Variants in ZNF331 observed in about 807,000 individuals in gnomAD.
ZNF331 encodes the protein C2H2-like zinc finger protein rearranged in thyroid adenomas.
A neutral mutation model predicts 7.0 loss-of-function variants in ZNF331; 2 were observed. The ratio of observed to expected loss-of-function variants is 0.29; its 90% CI spans 0.12 to 0.90. The LOEUF is 0.90. Ranked by LOEUF, ZNF331 falls within the 40% of genes least tolerant of loss-of-function variation. The probability of loss-of-function intolerance (pLI) is 0.58; values close to 1 mark genes in which losing one functional copy is unlikely to be tolerated. For synonymous variants in ZNF331, 196 were observed against 205.4 expected, an observed-to-expected ratio of 0.95 and a Z score of 0.39; for missense variants, 432 against 587.7, an observed-to-expected ratio of 0.74 and a Z score of 2.74.
the ZNF331 span, among the ~76,000 whole-genome samples, chr19:53,507,487 A>G: frequency 6.6e-6 from 1 of 152,216 alleles, no homozygotes; most frequent in Non-Finnish European, 1.5e-5. Context: ...GGAAAAATCA[A>G]GATCTATCAT....
chr19:53,557,077 C>T (rs531597211), intron 3 of ZNF331, among the ~76,000 whole-genome samples: 1 of 150,206 alleles, frequency 6.7e-6, no homozygotes, highest in Admixed American at 6.7e-5. Flanking sequence ...CCTGCCTCGG[C>T]CTCCCAAAGT....
chr19:53,544,645 C>T (rs1399213839), intron 2 of ZNF331, among the ~76,000 whole-genome samples: 1 of 151,612 alleles, frequency 6.6e-6, no homozygotes, highest in Non-Finnish European at 1.5e-5. Flanking sequence ...CTATTTTTTT[C>T]GTTGTTGAAA....
intron 2 of ZNF331, among the ~76,000 whole-genome samples, chr19:53,542,697 C>A (rs1281832585): frequency 6.6e-6 from 1 of 152,182 alleles, no homozygotes; most frequent in East Asian, 1.9e-4. Context: ...TTCTTAGAAT[C>A]TCTTTTGCTA....
chr19:53,514,807 C>T (rs1377880420), upstream of ZNF331, among the ~76,000 whole-genome samples: 7 of 151,986 alleles, frequency 4.6e-5, no homozygotes, highest in Non-Finnish European at 8.8e-5. Context: ...CCCGCCACCA[C>T]GCCCGGCTAA....
chr19:53,550,892 C>A (rs1338573920), intron 2 of ZNF331, among the ~76,000 whole-genome samples: 2 of 145,558 alleles, frequency 1.4e-5, no homozygotes, highest in African/African-American at 5.1e-5. Flanking sequence ...GCTCTGTCAC[C>A]CAGTCTGGAG....
chr19:53,533,002 G>A (rs2087600390), intron 2 of ZNF331, among the ~76,000 whole-genome samples: 2 of 151,492 alleles, frequency 1.3e-5, no homozygotes, highest in African/African-American at 2.4e-5. Context: ...TGTTTATTTA[G>A]TCTCCATTTA....
At chr19:53,536,111 A>G (rs2087737823), upstream of ZNF331, among the ~76,000 whole-genome samples, 1 of 152,190 alleles carries the variant, frequency 6.6e-6, no homozygotes, top group Non-Finnish European at 1.5e-5. Flanking sequence ...GCTGATAAGA[A>G]TCTTTAAACT....
Position 53,573,350 on chromosome 19 carries a change from C to T in ZNF331, c.136+1620C>T, listed in dbSNP as rs2090555024. Reference sequence around the variant, plus strand: ...GCCAACAGAGTGAAACCCCATCTCTCCTGAAAATACAAAAATTTGCCGGGT... The same window carrying T: ...GCCAACAGAGTGAAACCCCATCTCTTCTGAAAATACAAAAATTTGCCGGGT... On this transcript the variant is annotated intron_variant, in intron 5 of 5. Transcript: ENST00000449416. The surrounding 1 kb of genome is among the most constrained non-coding windows in gnomAD (Gnocchi z 4.2). Among the ~76,000 whole-genome samples the T allele has an allele frequency of 6.7e-6, 1 of 150,174 alleles. No individual in the cohort carries two copies. Among genetic ancestry groups the T allele is most frequent in the African/African-American group, 2.5e-5 (1 of 40,724 alleles).
the ZNF331 span, among the ~76,000 whole-genome samples, chr19:53,506,995 ATCT>A: frequency 6.6e-6 from 1 of 152,140 alleles, no homozygotes; most frequent in Non-Finnish European, 1.5e-5. Flanking sequence ...GTTGCTCTCA[ATCT>A]TCCTGTGTGG....
intron 2 of ZNF331, among the ~76,000 whole-genome samples, chr19:53,553,306 A>G (rs2147439091): frequency 6.6e-6 from 1 of 152,200 alleles, no homozygotes; most frequent in Non-Finnish European, 1.5e-5. Flanking sequence ...AAAAAAAAAA[A>G]AAAATTAGTG....
At chr19:53,510,321 A>G in the ZNF331 span, among the ~76,000 whole-genome samples, 1 of 152,180 alleles carries the variant, frequency 6.6e-6, no homozygotes, top group Non-Finnish European at 1.5e-5. Flanking sequence ...GAGTGACTTC[A>G]GTAAAAATGG....
At chr19:53,555,821 C>G (rs1044377442) in intron 2 of ZNF331, 24 bp from the exon 3 acceptor site, 2 of 152,144 alleles carry the variant, frequency 1.3e-5, no homozygotes, top group African/African-American at 4.8e-5. Context: ...GCAGGTGTTA[C>G]CCTTCTGGTT....
At chr19:53,547,150 C>G (rs75112431) in intron 2 of ZNF331, among the ~76,000 whole-genome samples, 1 of 152,134 alleles carries the variant, frequency 6.6e-6, no homozygotes, top group Non-Finnish European at 1.5e-5. Context: ...CCATGCTAGA[C>G]AATAAATCTC....
chr19:53,530,686 T>A (rs917747160), intron 2 of ZNF331, among the ~76,000 whole-genome samples: 14 of 152,232 alleles, frequency 9.2e-5, no homozygotes, highest in Non-Finnish European at 1.9e-4. Flanking sequence ...GTACAGGGCA[T>A]CACTTGGCAT....
upstream of ZNF331, chr19:53,537,629 G>T (rs1371296203): frequency 6.6e-6 from 1 of 152,316 alleles, no homozygotes; most frequent in African/African-American, 2.4e-5. Flanking sequence ...ATTTCCCAGA[G>T]ACCATCCAGG....
chr19:53,512,572 A>G, the ZNF331 span: 3 of 152,112 alleles, frequency 2.0e-5, no homozygotes, highest in Admixed American at 1.3e-4. Context: ...CTGTGCCCAC[A>G]TCAGAGGGTT....
chr19:53,559,354 TACAC>T (rs982943047), intron 3 of ZNF331, among the ~76,000 whole-genome samples: 4 of 147,262 alleles, frequency 2.7e-5, no homozygotes, highest in African/African-American at 1.0e-4. Flanking sequence ...ATACACACCA[TACAC>T]ACATATACAC....
At chr19:53,523,805 T>G (rs377480532) in intron 2 of ZNF331, among the ~76,000 whole-genome samples, 13 of 152,154 alleles carry the variant, frequency 8.5e-5, no homozygotes, top group African/African-American at 3.1e-4. Context: ...AGGGTACATG[T>G]GCACAATATG....
At chr19:53,507,894 G>C in the ZNF331 span, among the ~76,000 whole-genome samples, 1 of 152,132 alleles carries the variant, frequency 6.6e-6, no homozygotes, top group Non-Finnish European at 1.5e-5. Context: ...CAGCTACTTC[G>C]GAGACTGAGG....
Sources: gnomAD v4.1 joint callset for allele counts (sites outside exome capture counted in the v4.1 genomes callset) on GRCh38, gnomAD v4.1.1 for gene constraint, Gnocchi (gnomAD v3.1) non-coding constraint, MANE v1.5 for transcripts, NCBI Gene and HGNC (gene_info 2026-07-23, HGNC 2026-07-21) for gene names.